FRAS1: variants seen among roughly 807,000 people sequenced by gnomAD.
FRAS1 encodes the protein extracellular matrix organizing protein FRAS1.
Under a neutral mutation model 435.2 loss-of-function variants are expected in FRAS1, and 290 were observed. The ratio of observed to expected loss-of-function variants is 0.67; its 90% CI spans 0.61 to 0.73. The LOEUF (loss-of-function observed/expected upper bound fraction) is 0.73, where lower values mean the gene tolerates loss of function less well. Ranked by LOEUF, FRAS1 falls within the 30% of genes least tolerant of loss-of-function variation. FRAS1 has a pLI of 0.00. For synonymous variants in FRAS1, 1,800 were observed against 1,851.0 expected, an observed-to-expected ratio of 0.97 and a Z score of 0.71; for missense variants, 4,860 against 5,001.5, an observed-to-expected ratio of 0.97 and a Z score of 0.85.
intron 40 of FRAS1, among the ~76,000 whole-genome samples, chr4:78,440,950 C>CTGAT (rs1034703895): frequency 2.6e-5 from 4 of 152,142 alleles, no homozygotes; most frequent in Non-Finnish European, 4.4e-5. Flanking sequence ...ATACAGAAGT[C>CTGAT]ATCATGTCTG....
rs375408531 is a variant in FRAS1 at position 78,464,497 on chromosome 4, G to A, written c.6943G>A (p.Val2315Ile). Residue 2315 changes from valine (V) to isoleucine (I), a missense_variant, in exon 49 of 74, where the codon GTA (valine) becomes ATA (isoleucine). Val to Ile is a conservative substitution (Grantham distance 29). Transcript: ENST00000512123. ...CCCTGTCGATGATTCGCTGCCCGTC[G>A]TACAGAACTTAGGAATGCGGGTGCA... ...LHPVDDSLPV[V>I]QNLGMRVQEG... 1.1e-4 allele frequency: 180 copies of A among 1,613,940 alleles called. 1 individual carries two copies. Among genetic ancestry groups the A allele is most frequent in the South Asian group, 1.1e-3 (101 of 91,074 alleles).
At chr4:78,137,847 T>C (rs1719989463) in intron 2 of FRAS1, among the ~76,000 whole-genome samples, 1 of 152,220 alleles carries the variant, frequency 6.6e-6, no homozygotes, top group Non-Finnish European at 1.5e-5. Flanking sequence ...TCTTATCTGT[T>C]AAATGGGGAT....
At chr4:78,527,620 A>T (rs970798416) in intron 70 of FRAS1, among the ~76,000 whole-genome samples, 7 of 152,172 alleles carry the variant, frequency 4.6e-5, no homozygotes, top group African/African-American at 1.7e-4. Context: ...TACTGAGGTC[A>T]TTGGTGAACT....
chr4:78,065,083 T>C (rs551299433), intron 1 of FRAS1, among the ~76,000 whole-genome samples: 117 of 140,600 alleles, frequency 8.3e-4, no homozygotes, highest in East Asian at 3.8e-3. Flanking sequence ...TATATATATA[T>C]ACATACACAC....
intron 2 of FRAS1, among the ~76,000 whole-genome samples, chr4:78,140,772 T>A (rs1356896005): frequency 7.4e-6 from 1 of 135,902 alleles, no homozygotes; most frequent in East Asian, 2.0e-4. Context: ...TGTATATACG[T>A]GTGTGTATAT....
chr4:78,524,781 G>A (rs1339228823), intron 69 of FRAS1, among the ~76,000 whole-genome samples: 1 of 152,150 alleles, frequency 6.6e-6, no homozygotes, highest in East Asian at 1.9e-4. Flanking sequence ...ACACAAAACA[G>A]TAGACCTAAT....
At chr4:78,071,629 G>A (rs1350696438) in intron 2 of FRAS1, 1 of 152,184 alleles carries the variant, frequency 6.6e-6, no homozygotes, top group Non-Finnish European at 1.5e-5. Context: ...CCATAGCTGT[G>A]CTGTCCAGTG....
intron 2 of FRAS1, among the ~76,000 whole-genome samples, chr4:78,077,320 T>C (rs1449811251): frequency 6.6e-6 from 1 of 152,086 alleles, no homozygotes; most frequent in East Asian, 1.9e-4. Flanking sequence ...CAGTGAGCCA[T>C]GATCATACCA....
Position 78,465,089 on chromosome 4 carries a change from T to C in FRAS1, c.7029+506T>C, listed in dbSNP as rs527704831. Among the ~76,000 whole-genome samples the C allele has an allele frequency of 2.0e-5, 3 of 152,324 alleles. No homozygotes were observed. The South Asian group carries it at 6.2e-4, about 32-fold the overall frequency. ...AGCTTTTATTCTCATGCTTCCAGAT[T>C]AAAGCATCTCACATTCTGACATGAC... On this transcript the variant is annotated intron_variant, in intron 49 of 73. Transcript: ENST00000512123.
At chr4:78,473,725 A>G in intron 53 of FRAS1, 128 bp downstream of exon 53, 1 of 619,208 alleles carries the variant, frequency 1.6e-6, no homozygotes, top group Non-Finnish European at 2.7e-6. Flanking sequence ...TGGCAGTGAT[A>G]AAAGTAATAA....
intron 2 of FRAS1, among the ~76,000 whole-genome samples, chr4:78,117,056 T>C (rs983458675): frequency 1.3e-5 from 2 of 152,214 alleles, no homozygotes; most frequent in African/African-American, 4.8e-5. Flanking sequence ...CATTTGTTTG[T>C]CTCTAAAGGA....
intron 35 of FRAS1, among the ~76,000 whole-genome samples, chr4:78,427,636 A>C (rs932354889): frequency 6.6e-6 from 1 of 152,216 alleles, no homozygotes; most frequent in East Asian, 1.9e-4. Context: ...GAGGAGATCA[A>C]ATGTAAAGAA....
At chr4:78,200,207 C>T (rs946531218) in intron 2 of FRAS1, among the ~76,000 whole-genome samples, 1 of 152,146 alleles carries the variant, frequency 6.6e-6, no homozygotes, top group African/African-American at 2.4e-5. Context: ...CTTGTCAGAA[C>T]CTTATTTTTG....
At chr4:78,366,164 C>G (rs529959266) in intron 22 of FRAS1, among the ~76,000 whole-genome samples, 1 of 152,132 alleles carries the variant, frequency 6.6e-6, no homozygotes. Flanking sequence ...AGGAATCTTT[C>G]GAGAGGATGT....
intron 2 of FRAS1, among the ~76,000 whole-genome samples, chr4:78,131,951 T>C (rs1382679115): frequency 6.6e-6 from 1 of 152,234 alleles, no homozygotes; most frequent in South Asian, 2.1e-4. Flanking sequence ...CCTGGGACCA[T>C]CTCCATGGGG....
At chr4:78,174,510 A>G (rs1299340055) in intron 2 of FRAS1, among the ~76,000 whole-genome samples, 1 of 152,210 alleles carries the variant, frequency 6.6e-6, no homozygotes, top group Non-Finnish European at 1.5e-5. Flanking sequence ...GTAACCAGGC[A>G]TAGTTATCTA....
rs189656838 is a variant in FRAS1 at position 78,436,237 on chromosome 4, C to T, written c.5218-2333C>T. 3.3e-3 allele frequency among the ~76,000 whole-genome samples: 504 copies of T among 152,122 alleles called. 2 individuals are homozygous for T. The highest frequency in any genetic ancestry group is 0.012 in the African/African-American group (494 of 41,492). On this transcript the variant is annotated intron_variant, in intron 38 of 73. Transcript: ENST00000512123. Reference sequence around the variant, plus strand: ...ACAGGAATTCCACAGAAGAGGAACCCGGGTGGTCAATAAACATATGAAGAG... The same window carrying T: ...ACAGGAATTCCACAGAAGAGGAACCTGGGTGGTCAATAAACATATGAAGAG...
Position 78,508,860 on chromosome 4 carries a change from A to G in FRAS1, c.9634A>G (p.Met3212Val). Residue 3212 changes from methionine (M) to valine (V), a missense_variant, in exon 63 of 74, where the codon ATG (methionine) becomes GTG (valine). Transcript: ENST00000512123. The part of the protein sequence containing the change: ...CDPHFPRYAV[M>V]KERCSEAGIN... ...CCCTCATTTCCCCAGATACGCTGTC[A>G]TGAAGGAGCGCTGCAGTGAGGCCGG... The G allele has an allele frequency of 6.2e-7, 1 of 1,613,866 alleles. No individual in the cohort carries two copies. The highest frequency in any genetic ancestry group is 8.5e-7 in the Non-Finnish European group (1 of 1,179,828).
intron 63 of FRAS1, among the ~76,000 whole-genome samples, chr4:78,510,826 A>G (rs887297666): frequency 2.6e-5 from 4 of 152,136 alleles, no homozygotes; most frequent in African/African-American, 9.7e-5. Context: ...TCGAGGGAGG[A>G]TAACAGTAGG....
Sources: gnomAD v4.1 joint callset for allele counts (sites outside exome capture counted in the v4.1 genomes callset) on GRCh38, gnomAD v4.1.1 for gene constraint, MANE v1.5 for transcripts, NCBI Gene and HGNC (gene_info 2026-07-23, HGNC 2026-07-21) for gene names.